NEK7: variants seen among roughly 807,000 people sequenced by gnomAD.
The protein encoded by NEK7 is NIMA related kinase 7.
In NEK7, 18 loss-of-function variants were observed where a neutral mutation model predicts 44.6. The ratio of observed to expected loss-of-function variants is 0.40; its 90% confidence interval spans 0.28 to 0.60. The LOEUF is 0.60. NEK7 is among the 20% of genes least tolerant of loss of function. The probability of loss-of-function intolerance (pLI) is 0.38; values close to 1 mark genes in which losing one functional copy is unlikely to be tolerated. For missense variants in NEK7, 256 were observed against 366.5 expected, an observed-to-expected ratio of 0.70 and a Z score of 2.46; for synonymous variants, 130 against 121.1, an observed-to-expected ratio of 1.07 and a Z score of -0.48.
At chr1:198,168,506 G>A (rs1664334585) in intron 1 of NEK7, among the ~76,000 whole-genome samples, 1 of 152,166 alleles carries the variant, frequency 6.6e-6, no homozygotes, top group African/African-American at 2.4e-5. Context: ...GAGAATGTTT[G>A]AAAGATGATC....
chr1:198,218,223 C>T (rs1046629250), intron 1 of NEK7, among the ~76,000 whole-genome samples: 41 of 151,804 alleles, frequency 2.7e-4, no homozygotes, highest in African/African-American at 9.9e-4. Context: ...AAAGTAGATG[C>T]AAAGACTAAT....
chr1:198,280,162 A>G (rs1203104792), intron 7 of NEK7, among the ~76,000 whole-genome samples: 3 of 152,044 alleles, frequency 2.0e-5, no homozygotes, highest in Non-Finnish European at 2.9e-5. Context: ...AGAAATGGAT[A>G]AGTTTGCCCA....
intron 2 of NEK7, among the ~76,000 whole-genome samples, chr1:198,252,701 T>C (rs1443366931): frequency 1.3e-5 from 2 of 150,128 alleles, no homozygotes; most frequent in East Asian, 3.9e-4. Context: ...TTAAAACATG[T>C]ATGTATGTTT....
At chr1:198,173,171 A>G (rs938064493) in intron 1 of NEK7, among the ~76,000 whole-genome samples, 2 of 152,116 alleles carry the variant, frequency 1.3e-5, no homozygotes, top group Non-Finnish European at 2.9e-5. Flanking sequence ...GCTCATGTCT[A>G]TAATTCTACC....
At chr1:198,304,835 T>C (rs1186072981) in intron 9 of NEK7, among the ~76,000 whole-genome samples, 3 of 152,172 alleles carry the variant, frequency 2.0e-5, no homozygotes, top group Non-Finnish European at 4.4e-5. Flanking sequence ...CGTAATCCCT[T>C]AGGAATGTTG....
intron 1 of NEK7, among the ~76,000 whole-genome samples, chr1:198,180,707 A>G (rs1244088116): frequency 6.6e-6 from 1 of 152,118 alleles, no homozygotes; most frequent in Non-Finnish European, 1.5e-5. Flanking sequence ...AATTGCAATG[A>G]GAACACACAT....
At chr1:198,303,936 A>C (rs895232967) in intron 9 of NEK7, among the ~76,000 whole-genome samples, 3 of 152,200 alleles carry the variant, frequency 2.0e-5, no homozygotes, top group Admixed American at 6.5e-5. Flanking sequence ...AACGCTATTA[A>C]TAACATTTGA....
intron 3 of NEK7, 36 bp from the exon 4 acceptor site, chr1:198,262,536 GTTA>G: frequency 1.6e-6 from 2 of 1,260,572 alleles, no homozygotes; most frequent in East Asian, 2.3e-5. Flanking sequence ...TGAACCATAG[GTTA>G]TTATTTTATT....
chr1:198,300,687 G>A (rs960325482), intron 9 of NEK7, among the ~76,000 whole-genome samples: 1 of 152,168 alleles, frequency 6.6e-6, no homozygotes, highest in Non-Finnish European at 1.5e-5. Context: ...AGGGCCTGGG[G>A]CCTGACACAT....
At chr1:198,301,013 G>A (rs1174517165) in intron 9 of NEK7, among the ~76,000 whole-genome samples, 1 of 152,148 alleles carries the variant, frequency 6.6e-6, no homozygotes, top group Admixed American at 6.5e-5. Flanking sequence ...GAGAGACATT[G>A]GAGTAGTCAT....
At chr1:198,296,147 C>A (rs1654710208) in intron 8 of NEK7, among the ~76,000 whole-genome samples, 1 of 152,158 alleles carries the variant, frequency 6.6e-6, no homozygotes, top group Non-Finnish European at 1.5e-5. Flanking sequence ...AGTAGCACAG[C>A]ATGGACTAGC....
At chr1:198,285,282 T>A (rs1654332614) in intron 7 of NEK7, among the ~76,000 whole-genome samples, 1 of 152,130 alleles carries the variant, frequency 6.6e-6, no homozygotes, top group Non-Finnish European at 1.5e-5. Context: ...CAATAAATAT[T>A]GATTAAATGA....
At chr1:198,177,166 A>G (rs1419673629) in intron 1 of NEK7, among the ~76,000 whole-genome samples, 4 of 152,202 alleles carry the variant, frequency 2.6e-5, no homozygotes, top group African/African-American at 4.8e-5. Flanking sequence ...TATGCTCTTT[A>G]TGTAGTGATT....
intron 1 of NEK7, among the ~76,000 whole-genome samples, chr1:198,228,977 C>A (rs896426282): frequency 7.9e-5 from 12 of 152,128 alleles, no homozygotes; most frequent in Non-Finnish European, 1.3e-4. Context: ...CAGTTTTTGC[C>A]CATTCAGTAT....
chr1:198,209,238 ACT>A (rs1665696000), intron 1 of NEK7, among the ~76,000 whole-genome samples: 1 of 150,432 alleles, frequency 6.6e-6, no homozygotes, highest in South Asian at 2.1e-4. Context: ...GACTGCCTAT[ACT>A]CTTTTTCATA....
chr1:198,189,535 A>G (rs1257701389), intron 1 of NEK7, among the ~76,000 whole-genome samples: 1 of 152,092 alleles, frequency 6.6e-6, no homozygotes, highest in Non-Finnish European at 1.5e-5. Flanking sequence ...TGAAAATTCT[A>G]AGGAACAATT....
intron 7 of NEK7, among the ~76,000 whole-genome samples, chr1:198,290,908 A>C (rs572512953): frequency 2.6e-5 from 4 of 152,250 alleles, no homozygotes; most frequent in African/African-American, 9.6e-5. Context: ...CTCACTGAAA[A>C]AGGATTTTTG....
intron 3 of NEK7, among the ~76,000 whole-genome samples, chr1:198,261,682 T>C (rs1390656099): frequency 6.6e-6 from 1 of 151,934 alleles, no homozygotes; most frequent in East Asian, 1.9e-4. Flanking sequence ...GTCTCTAAGA[T>C]ATTGCTTTTT....
intron 2 of NEK7, among the ~76,000 whole-genome samples, chr1:198,241,244 T>C (rs1346227940): frequency 1.3e-5 from 2 of 152,242 alleles, no homozygotes; most frequent in Non-Finnish European, 2.9e-5. Context: ...TACGATCTTG[T>C]CATATGATTC....
Sources: gnomAD v4.1 joint callset for allele counts (sites outside exome capture counted in the v4.1 genomes callset) on GRCh38, gnomAD v4.1.1 for gene constraint, MANE v1.5 for transcripts, NCBI Gene and HGNC (gene_info 2026-07-23, HGNC 2026-07-21) for gene names.